The following ZNF254 variants were observed in gnomAD, a reference collection of about 807,000 sequenced individuals.
ZNF254 encodes the protein zinc finger protein 254, also known as CTD-2017D11.1.
ZNF254 carries 10 observed loss-of-function variants against 12.4 expected under a neutral mutation model. The ratio of observed to expected loss-of-function variants is 0.80; its 90% CI spans 0.50 to 1.36. The LOEUF is 1.36. Among genes scored for constraint, ZNF254 ranks in the 40% most tolerant of loss-of-function variants. The pLI, the probability that ZNF254 is intolerant of heterozygous loss-of-function variation, is 0.00. For missense variants in ZNF254, 996 were observed against 763.9 expected (o/e 1.30, Z -3.58); for synonymous variants, 305 against 253.4 (o/e 1.20, Z -1.93).
intron 3 of ZNF254, among the ~76,000 whole-genome samples, chr19:24,112,958 A>C (rs555188666): frequency 6.6e-6 from 1 of 152,218 alleles, no homozygotes; most frequent in Non-Finnish European, 1.5e-5. Flanking sequence ...CTTGACACAT[A>C]CACTCTCCCA....
intron 1 of ZNF254, among the ~76,000 whole-genome samples, chr19:24,096,437 A>G (rs1972675875): frequency 6.6e-6 from 1 of 152,148 alleles, no homozygotes; most frequent in African/African-American, 2.4e-5. Flanking sequence ...AAGTTATTCA[A>G]GTGCAGGTTG....
chr19:24,088,964 C>CTTTTT lies in ZNF254; in HGVS notation c.30+1652_30+1656dup, dbSNP rs74175785. Among the ~76,000 whole-genome samples, 31 of 99,290 alleles carry CTTTTT rather than the reference C, an allele frequency of 3.1e-4. 2 individuals are homozygous for CTTTTT. The highest frequency in any genetic ancestry group is 1.6e-3 in the African/African-American group (29 of 18,688). The allele number at this position is 99,290 out of a possible 152,430, so 65.1% of individuals were successfully genotyped here. On this transcript the variant is annotated intron_variant, in intron 1 of 3. Transcript: ENST00000357002. ...GAGCCATCTCGCCTGGCCAATTAAT[C>CTTTTT]TTTTTTTTTTTTTTTTTTTTTTTTT... is the stretch of plus-strand genomic sequence containing the variant.
At chr19:24,072,135 A>G (rs1971503302) in intron 2 of ZNF254, among the ~76,000 whole-genome samples, 1 of 151,260 alleles carries the variant, frequency 6.6e-6, no homozygotes, top group African/African-American at 2.4e-5. Context: ...TGGACCCAGC[A>G]TCTGGTGGTA....
At chr19:24,047,278 TTC>T (rs1970429115) in intron 2 of ZNF254, among the ~76,000 whole-genome samples, 1 of 152,000 alleles carries the variant, frequency 6.6e-6, no homozygotes, top group Admixed American at 6.6e-5. Context: ...CTCTTCCTCC[TTC>T]TCTCTTTCCC....
rs1975002379 is a variant in ZNF254, at chr19:24,127,801, C to T, written c.1801C>T (p.Pro601Ser). The T allele has an allele frequency of 1.9e-6, 3 of 1,612,780 alleles. No individual in the cohort carries two copies. The highest frequency in any genetic ancestry group is 2.5e-6 in the Non-Finnish European group (3 of 1,179,590). ...KHKVIHTGVK[P>S]YKCEECGKAF... ...TAAGGTAATTCATACTGGAGTAAAA[C>T]CCTACAAATGTGAAGAATGTGGCAA... is the stretch of plus-strand genomic sequence containing the variant. The change falls in exon 4 of 4, where the codon CCC (proline) becomes TCC (serine). Residue 601 changes from proline (P) to serine (S), a missense_variant. By Grantham distance (74) the Pro-to-Ser change is moderately conservative. Transcript: ENST00000357002.
rs377758929 is a variant in ZNF254 at position 24,062,108 on chromosome 19, AG to A, written c.-94+15830del. Among the ~76,000 whole-genome samples the A allele has an allele frequency of 5.7e-3, 858 of 151,018 alleles. 10 individuals carry two copies. The highest frequency in any genetic ancestry group is 0.02 in the African/African-American group (816 of 41,084). ...CTCACAAAAAAAAAAAAAAAGAAAA[AG>A]AAAAAGGAGTAAAATCCTGGTGGTC... On this transcript the variant is annotated intron_variant, in intron 2 of 4. Transcript: ENST00000613065.
upstream of ZNF254, among the ~76,000 whole-genome samples, chr19:24,084,932 CTTTTTTT>C (rs150066308): frequency 1.7e-5 from 2 of 119,674 alleles, no homozygotes; most frequent in African/African-American, 3.2e-5. Context: ...TGACCACAAT[CTTTTTTT>C]TTTTTTTTTT....
chr19:24,111,097 T>A (rs1377615865), intron 3 of ZNF254, among the ~76,000 whole-genome samples: 1 of 131,302 alleles, frequency 7.6e-6, no homozygotes, highest in African/African-American at 2.8e-5. Flanking sequence ...TGCTATCCCT[T>A]CCCCCTCCCC....
intron 1 of ZNF254, among the ~76,000 whole-genome samples, chr19:24,103,370 C>T (rs181046942): frequency 7.2e-4 from 109 of 152,226 alleles, no homozygotes; most frequent in African/African-American, 2.6e-3. Context: ...CCTGCAGAAT[C>T]GCATTACATA....
upstream of ZNF254, among the ~76,000 whole-genome samples, chr19:24,085,502 G>A (rs987657530): frequency 2.1e-5 from 3 of 141,944 alleles, no homozygotes; most frequent in African/African-American, 7.8e-5. Context: ...AGTGGGTCAC[G>A]TCTGTAATCC....
At chr19:24,044,640 A>G (rs1970310137) in intron 1 of ZNF254, among the ~76,000 whole-genome samples, 2 of 148,608 alleles carry the variant, frequency 1.3e-5, no homozygotes, top group Non-Finnish European at 3.0e-5. Context: ...TATTTATGCT[A>G]GTTTTGTGGA....
At chr19:24,039,163 A>G (rs1442505903) in intron 1 of ZNF254, among the ~76,000 whole-genome samples, 3 of 149,640 alleles carry the variant, frequency 2.0e-5, no homozygotes, top group Non-Finnish European at 4.5e-5. Context: ...AATGGTACCT[A>G]GAATCCACAC....
chr19:24,046,017 C>T (rs1333971924), intron 1 of ZNF254, among the ~76,000 whole-genome samples: 1 of 151,966 alleles, frequency 6.6e-6, no homozygotes, highest in Non-Finnish European at 1.5e-5. Flanking sequence ...AATTTCTAAA[C>T]GTAAAATACT....
intron 2 of ZNF254, 44 bp from the exon 3 acceptor site, chr19:24,106,504 G>T: frequency 6.7e-7 from 1 of 1,487,446 alleles, no homozygotes; most frequent in Non-Finnish European, 9.2e-7. Context: ...GTTGGTAATT[G>T]GAGAATATAA....
intron 2 of ZNF254, chr19:24,079,073 A>C (rs957349624): frequency 6.6e-6 from 1 of 152,140 alleles, no homozygotes; most frequent in Non-Finnish European, 1.5e-5. Flanking sequence ...ACTTCAACTC[A>C]ATTTATTCTG....
chr19:24,084,729 G>A (rs542712128), upstream of ZNF254, among the ~76,000 whole-genome samples: 47 of 152,070 alleles, frequency 3.1e-4, no homozygotes, highest in African/African-American at 1.1e-3. Context: ...CTTGGTTCAG[G>A]CAATCCTCCT....
chr19:24,078,709 C>T (rs1489013279), intron 2 of ZNF254: 1 of 152,236 alleles, frequency 6.6e-6, no homozygotes, highest in Non-Finnish European at 1.5e-5. Context: ...AACAGCAGGG[C>T]CTAGCATAGG....
At chr19:24,048,000 C>CTTCTTTTTTTTTTTTTTTTTT (rs1970466672) in intron 2 of ZNF254, among the ~76,000 whole-genome samples, 1 of 78,128 alleles carries the variant, frequency 1.3e-5, no homozygotes, top group Non-Finnish European at 2.6e-5. Context: ...TTTTTCTTTT[C>CTTCTTTTTTTTTTTTTTTTTT]TTCTTTTTTT....
At chr19:24,070,566 TC>T (rs1485220037) in intron 2 of ZNF254, among the ~76,000 whole-genome samples, 1 of 152,196 alleles carries the variant, frequency 6.6e-6, no homozygotes, top group Non-Finnish European at 1.5e-5. Flanking sequence ...TTTCATGAAT[TC>T]ATCCATATTG....
Sources: allele counts gnomAD v4.1 joint callset (sites outside exome capture counted in the v4.1 genomes callset), GRCh38; gene constraint gnomAD v4.1.1; transcripts MANE v1.5; gene names NCBI Gene and HGNC (gene_info 2026-07-23, HGNC 2026-07-21).